LRFN2: variants seen among roughly 807,000 people sequenced by gnomAD.
The protein encoded by LRFN2 is leucine rich repeat and fibronectin type III domain containing 2.
In LRFN2, 18 loss-of-function variants were observed where a neutral mutation model predicts 37.3. That is an observed-to-expected ratio of 0.48 (90% CI 0.33 to 0.72). The LOEUF is 0.72. Ranked by LOEUF, LRFN2 falls within the 30% of genes least tolerant of loss-of-function variation. The pLI is 0.02. For synonymous variants in LRFN2, 556 were observed against 466.6 expected (o/e 1.19, Z -2.47); for missense variants, 1,006 against 1,060.7 (o/e 0.95, Z 0.72).
At chr6:40,554,959 T>A (rs1039277149) in intron 1 of LRFN2, among the ~76,000 whole-genome samples, 2 of 152,228 alleles carry the variant, frequency 1.3e-5, no homozygotes, top group African/African-American at 4.8e-5. Context: ...GTATAATTAG[T>A]TATAATTATT....
At chr6:40,499,930 C>T (rs976740257) in intron 1 of LRFN2, among the ~76,000 whole-genome samples, 8 of 152,140 alleles carry the variant, frequency 5.3e-5, no homozygotes, top group Admixed American at 3.3e-4. Context: ...CTCACAAGGC[C>T]GTGGTGAGAA....
rs867783362 is a variant in LRFN2, at chr6:40,514,948, G to A, written c.-19+71993C>T. The stretch of plus-strand genomic sequence containing the variant: ...GAGGCCCCATTTTTAGAACTTCTCA[G>A]CAGTAGCCACCACCCTGGGCCAGCC... On this transcript the variant is annotated intron_variant, in intron 1 of 2. Coordinates refer to ENST00000338305, the MANE Select transcript of LRFN2 (RefSeq NM_020737.3). Among the ~76,000 whole-genome samples, 8 of 152,274 alleles carry A rather than the reference G, an allele frequency of 5.3e-5. No homozygotes were observed. In the East Asian group the frequency reaches 1.2e-3, roughly 22 times the overall value.
chr6:40,542,875 TC>T (rs1248448464), intron 1 of LRFN2, among the ~76,000 whole-genome samples: 1 of 152,168 alleles, frequency 6.6e-6, no homozygotes, highest in African/African-American at 2.4e-5. Flanking sequence ...GAACTGCTGC[TC>T]CCCAGAGCCA....
chr6:40,465,143 C>T (rs1764429481), intron 1 of LRFN2, among the ~76,000 whole-genome samples: 1 of 152,016 alleles, frequency 6.6e-6, no homozygotes, highest in Non-Finnish European at 1.5e-5. Context: ...CTGTTTCTGG[C>T]TTTGAGGGAT....
intron 1 of LRFN2, among the ~76,000 whole-genome samples, chr6:40,577,841 A>AAAAAG (rs1767325876): frequency 1.3e-5 from 1 of 77,644 alleles, no homozygotes; most frequent in Non-Finnish European, 2.9e-5. Flanking sequence ...AAATAAAAAT[A>AAAAAG]AAAGATCCAG....
chr6:40,525,702 T>A (rs1186959396), intron 1 of LRFN2, among the ~76,000 whole-genome samples: 1 of 152,180 alleles, frequency 6.6e-6, no homozygotes, highest in Non-Finnish European at 1.5e-5. Flanking sequence ...ACTTTCTTCT[T>A]ACTTTCCCCT....
intron 1 of LRFN2, among the ~76,000 whole-genome samples, chr6:40,453,371 C>G (rs1193707587): frequency 6.6e-6 from 1 of 151,920 alleles, no homozygotes; most frequent in Non-Finnish European, 1.5e-5. Context: ...CATCTCATCT[C>G]TCTCTAGCTT....
chr6:40,495,559 T>C (rs1765205413), intron 1 of LRFN2, among the ~76,000 whole-genome samples: 2 of 152,208 alleles, frequency 1.3e-5, no homozygotes, highest in South Asian at 4.1e-4. Flanking sequence ...GTCCTCATCT[T>C]GTCCACTCTC....
chr6:40,448,999 C>A (rs538962804), intron 1 of LRFN2, among the ~76,000 whole-genome samples: 1 of 152,178 alleles, frequency 6.6e-6, no homozygotes, highest in Non-Finnish European at 1.5e-5. Flanking sequence ...TTCCTTGACA[C>A]GCAGCATTGT....
intron 1 of LRFN2, among the ~76,000 whole-genome samples, chr6:40,567,170 A>T (rs1204121559): frequency 1.3e-5 from 2 of 152,150 alleles, no homozygotes; most frequent in Non-Finnish European, 2.9e-5. Flanking sequence ...TCCCTCCCTT[A>T]CTTAGCCTAC....
At chr6:40,470,504 G>T (rs985219535) in intron 1 of LRFN2, among the ~76,000 whole-genome samples, 2 of 152,136 alleles carry the variant, frequency 1.3e-5, no homozygotes, top group African/African-American at 2.4e-5. Flanking sequence ...CAGCTACTTG[G>T]GAGGCTGAGG....
intron 1 of LRFN2, among the ~76,000 whole-genome samples, chr6:40,576,699 C>T (rs1371145980): frequency 6.6e-6 from 1 of 152,186 alleles, no homozygotes; most frequent in Non-Finnish European, 1.5e-5. Context: ...CTAGAAGGAG[C>T]TCAGGGCCTT....
intron 1 of LRFN2, among the ~76,000 whole-genome samples, chr6:40,559,864 C>T (rs993424622): frequency 2.6e-5 from 4 of 152,170 alleles, no homozygotes; most frequent in Non-Finnish European, 4.4e-5. Flanking sequence ...TGCCGTTCTT[C>T]CAAGTCCCAC....
At chr6:40,517,099 A>T (rs1426244692) in intron 1 of LRFN2, among the ~76,000 whole-genome samples, 1 of 152,118 alleles carries the variant, frequency 6.6e-6, no homozygotes, top group Non-Finnish European at 1.5e-5. Flanking sequence ...GGACTAGATC[A>T]CCCAAGGGTT....
intron 1 of LRFN2, among the ~76,000 whole-genome samples, chr6:40,555,688 C>A (rs923477009): frequency 2.6e-5 from 4 of 152,042 alleles, no homozygotes; most frequent in African/African-American, 9.7e-5. Flanking sequence ...CTCTCCTGTC[C>A]TCCCAAAGTC....
At chr6:40,557,398 C>T (rs753259532) in intron 1 of LRFN2, among the ~76,000 whole-genome samples, 16 of 152,066 alleles carry the variant, frequency 1.1e-4, no homozygotes, top group Admixed American at 2.0e-4. Context: ...GTAATGGTGG[C>T]GGGGTCAAGG....
intron 1 of LRFN2, among the ~76,000 whole-genome samples, chr6:40,486,665 G>T (rs1285554446): frequency 6.6e-6 from 1 of 152,140 alleles, no homozygotes; most frequent in Non-Finnish European, 1.5e-5. Flanking sequence ...ATCTGGAAAA[G>T]GGATTTACGC....
chr6:40,462,515 G>C (rs766445955), intron 1 of LRFN2, among the ~76,000 whole-genome samples: 1 of 151,760 alleles, frequency 6.6e-6, no homozygotes, highest in East Asian at 1.9e-4. Flanking sequence ...TCACTCTTTC[G>C]CTCCCTCATT....
At chr6:40,577,814 T>A (rs1193440775) in intron 1 of LRFN2, among the ~76,000 whole-genome samples, 17 of 92,746 alleles carry the variant, frequency 1.8e-4, no homozygotes, top group Non-Finnish European at 3.0e-4. Context: ...TAAATAAAAA[T>A]TAAAAAAAAT....
Sources: allele counts gnomAD v4.1 joint callset (sites outside exome capture counted in the v4.1 genomes callset), GRCh38; gene constraint gnomAD v4.1.1; transcripts MANE v1.5; gene names NCBI Gene and HGNC (gene_info 2026-07-23, HGNC 2026-07-21).